Variants in PLEKHG4B observed in about 807,000 individuals in gnomAD.
PLEKHG4B encodes pleckstrin homology domain-containing family G member 4B.
A neutral mutation model predicts 121.3 loss-of-function variants in PLEKHG4B; 111 were observed. The observed-to-expected ratio is 0.92, with a 90% confidence interval of 0.78 to 1.07. The LOEUF is 1.07. PLEKHG4B is among the 50% of genes least tolerant of loss of function. PLEKHG4B has a pLI of 0.00. For synonymous variants in PLEKHG4B, 738 were observed against 725.0 expected (o/e 1.02, Z -0.29); for missense variants, 1,831 against 1,757.8 (o/e 1.04, Z -0.74).
intron 2 of PLEKHG4B, among the ~76,000 whole-genome samples, chr5:124,257 CAT>C (rs1734548771): frequency 6.6e-6 from 1 of 152,070 alleles, no homozygotes. Context: ...TGTGGCCTAA[CAT>C]ATGTTCTACC....
chr5:149,306 G>GC (rs1374119556), intron 6 of PLEKHG4B, among the ~76,000 whole-genome samples: 1 of 152,146 alleles, frequency 6.6e-6, no homozygotes, highest in Non-Finnish European at 1.5e-5. Context: ...ACTTTGGGAG[G>GC]CTGAGGCAGG....
chr5:106,562 A>G (rs1733979178), intron 1 of PLEKHG4B, among the ~76,000 whole-genome samples: 1 of 152,204 alleles, frequency 6.6e-6, no homozygotes, highest in Non-Finnish European at 1.5e-5. Context: ...TGCACTTTGT[A>G]ATTGTCCACA....
intron 2 of PLEKHG4B, among the ~76,000 whole-genome samples, chr5:127,390 C>T (rs1734653739): frequency 8.3e-6 from 1 of 121,012 alleles, no homozygotes; most frequent in Admixed American, 8.1e-5. Flanking sequence ...TAGGCTGCCT[C>T]TGTGCCAAGG....
chr5:132,936 G>A (rs1052537594), intron 2 of PLEKHG4B, among the ~76,000 whole-genome samples: 4 of 152,068 alleles, frequency 2.6e-5, no homozygotes, highest in Non-Finnish European at 5.9e-5. Flanking sequence ...AGTAATGATG[G>A]TGGTATTTTG....
chr5:129,702 G>A (rs1383977920), intron 2 of PLEKHG4B, among the ~76,000 whole-genome samples: 1 of 152,200 alleles, frequency 6.6e-6, no homozygotes, highest in Non-Finnish European at 1.5e-5. Context: ...AGGACTGAGG[G>A]AGAGCTCCCA....
intron 2 of PLEKHG4B, among the ~76,000 whole-genome samples, chr5:122,715 T>G (rs1043012179): frequency 6.6e-6 from 1 of 152,106 alleles, no homozygotes; most frequent in African/African-American, 2.4e-5. Context: ...CCACCGCACC[T>G]GGCCAAAATG....
rs1182008848 is a variant in PLEKHG4B at position 185,910 on chromosome 5, C to CAGCCCCACGGG, written c.*3597_*3607dup. ...CCTGGATGTGGGAATGGAGCCACAC[C>CAGCCCCACGGG]AGCCCCACGGGAGCCCCACGACCCA... On this transcript the variant is annotated 3_prime_UTR_variant, in exon 20 of 20. Coordinates refer to ENST00000637938, the MANE Select transcript of PLEKHG4B (RefSeq NM_052909.5). 1 of 152,248 alleles carries CAGCCCCACGGG rather than the reference C, an allele frequency of 6.6e-6. No individual in the cohort carries two copies. Among genetic ancestry groups the CAGCCCCACGGG allele is most frequent in the East Asian group, 1.9e-4 (1 of 5,180 alleles). 9.4% of individuals were successfully genotyped at this position (152,248 alleles called of 1,614,324 possible). A position where few individuals can be genotyped will look rare whatever the true frequency, so the allele number is the denominator to read the frequency against.
chr5:178,029 G>A (rs543754230), intron 18 of PLEKHG4B, among the ~76,000 whole-genome samples: 5 of 149,378 alleles, frequency 3.3e-5, no homozygotes, highest in South Asian at 2.1e-4. Context: ...TGAGGCTTTC[G>A]TCCCTTTTCT....
At chr5:163,624 ACT>A (rs1736131740) in intron 13 of PLEKHG4B, 76 bp downstream of exon 13, 1 of 1,235,716 alleles carries the variant, frequency 8.1e-7, no homozygotes, top group South Asian at 1.6e-5. Flanking sequence ...TAGGCAGTAA[ACT>A]CTCTTCTGCA....
Position 156,494 on chromosome 5 carries a change from C to A in PLEKHG4B, c.2349-279C>A, listed in dbSNP as rs1424021721. Among the ~76,000 whole-genome samples, 1 of 151,906 alleles carries A rather than the reference C, an allele frequency of 6.6e-6. No homozygotes were observed. Among genetic ancestry groups the A allele is most frequent in the South Asian group, 2.1e-4 (1 of 4,794 alleles). Reference sequence around the variant, plus strand: ...GCTGCCTGGGGAGCTGTGCCCACCCCCAGCAGTCCCTGTCCATCTCAGCTG... The same window carrying A: ...GCTGCCTGGGGAGCTGTGCCCACCCACAGCAGTCCCTGTCCATCTCAGCTG... On this transcript the variant is annotated intron_variant, in intron 10 of 19. Coordinates refer to ENST00000637938, the MANE Select transcript of PLEKHG4B (RefSeq NM_052909.5). This position sits in a 1 kb window ranked among gnomAD's most constrained non-coding sequence, Gnocchi z 4.4.
chr5:138,504 T>A (rs1044180013), intron 2 of PLEKHG4B, among the ~76,000 whole-genome samples: 2 of 152,210 alleles, frequency 1.3e-5, no homozygotes, highest in African/African-American at 2.4e-5. Flanking sequence ...TCTGCATGTG[T>A]GTCTCTTTCA....
intron 17 of PLEKHG4B, 76 bp downstream of exon 17, chr5:173,143 A>G (rs6893369): frequency 0.68 from 980,008 of 1,441,282 alleles, 339,788 homozygotes; most frequent in Non-Finnish European, 0.72. Context: ...TGTCTCACCT[A>G]AGGCCAGCAG....
rs1430993850 is a variant in PLEKHG4B at position 163,162 on chromosome 5, GTGTGCTC to G, written c.3095_3101del (p.Ala1032GlyfsTer46). On this transcript the variant is annotated frameshift_variant, in exon 13 of 20. Transcript: ENST00000637938. LOFTEE classifies it high-confidence loss of function. Reference sequence around the variant, plus strand: ...ACGGGGAGACCCTGCGCCCAGGGCTGTGTGCTCTGTGGGACCCACTGTCCCTCCTCAG... The same window carrying G: ...ACGGGGAGACCCTGCGCCCAGGGCTGTGTGGGACCCACTGTCCCTCCTCAG... 6.4e-7 allele frequency: 1 copy of G among 1,564,538 alleles called. No homozygotes were observed.
intron 7 of PLEKHG4B, among the ~76,000 whole-genome samples, 169 bp downstream of exon 7, chr5:151,768 T>C (rs1735613094): frequency 6.6e-6 from 1 of 152,258 alleles, no homozygotes; most frequent in African/African-American, 2.4e-5. Context: ...CTGCAGAGTA[T>C]GCCATGAAAA....
chr5:123,126 A>G (rs1579257055), intron 2 of PLEKHG4B, among the ~76,000 whole-genome samples: 1 of 152,208 alleles, frequency 6.6e-6, no homozygotes, highest in Non-Finnish European at 1.5e-5. Context: ...GTCACATTGA[A>G]CCACTTCACA....
rs1303840724 is a variant in PLEKHG4B, at chr5:154,892, C to G, written c.2010C>G (p.Ser670=). Residue 670 remains serine, a synonymous_variant, in exon 8 of 20, where the codon TCC becomes TCG. Coordinates refer to ENST00000637938, the MANE Select transcript of PLEKHG4B (RefSeq NM_052909.5). ...CTTGGCAGTGTGAGGTCGTGAGCTC[C>G]CTGAAGGCCGTGCACAAATTTGTTG... is the stretch of plus-strand genomic sequence containing the variant. ...DAIIQCEVVS[S]LKAVHKFVDS... is the part of the protein sequence containing the mutation. 3 of 1,613,834 alleles carry G rather than the reference C, an allele frequency of 1.9e-6. No individual in the cohort carries two copies. The highest frequency in any genetic ancestry group is 2.5e-6 in the Non-Finnish European group (3 of 1,180,004).
intron 1 of PLEKHG4B, among the ~76,000 whole-genome samples, chr5:108,749 G>A (rs111594374): frequency 3.4e-5 from 5 of 148,354 alleles, no homozygotes; most frequent in African/African-American, 2.6e-5. Context: ...AGACAGACTG[G>A]GTGCAGATGG....
chr5:122,433 A>G (rs1342257582), intron 2 of PLEKHG4B, among the ~76,000 whole-genome samples: 3 of 139,240 alleles, frequency 2.2e-5, no homozygotes, highest in African/African-American at 6.1e-5. Flanking sequence ...TTATTTATTT[A>G]TTTTTAGATG....
intron 3 of PLEKHG4B, 69 bp downstream of exon 3, chr5:140,785 T>A (rs1211692694): frequency 2.6e-6 from 3 of 1,167,880 alleles, no homozygotes; most frequent in Non-Finnish European, 3.3e-6. Flanking sequence ...AATCTCCCCC[T>A]GCACACCCCA....
Sources: gnomAD v4.1 joint callset for allele counts (sites outside exome capture counted in the v4.1 genomes callset) on GRCh38, gnomAD v4.1.1 for gene constraint, Gnocchi (gnomAD v3.1) non-coding constraint, MANE v1.5 for transcripts, NCBI Gene and HGNC (gene_info 2026-07-23, HGNC 2026-07-21) for gene names.